Variants in HNF1B observed in about 807,000 individuals in gnomAD.
The protein encoded by HNF1B is HNF1 homeobox B.
In HNF1B, 8 loss-of-function variants were observed where a neutral mutation model predicts 61.7. The ratio of observed to expected loss-of-function variants is 0.13; its 90% confidence interval spans 0.08 to 0.23. The LOEUF is 0.23. Among genes scored for constraint, HNF1B ranks in the 10% least tolerant of loss-of-function variants. The pLI is 1.00. For missense variants in HNF1B, 562 were observed against 714.5 expected (o/e 0.79, Z 2.43); for synonymous variants, 314 against 287.7 (o/e 1.09, Z -0.93).
At chr17:37,731,527 A>T in intron 4 of HNF1B, 68 bp downstream of exon 4, 2 of 1,326,712 alleles carry the variant, frequency 1.5e-6, no homozygotes, top group South Asian at 1.2e-5. Flanking sequence ...CCCTTAAACC[A>T]GATAAGATCC....
At chr17:37,727,249 T>G (rs1463406361) in intron 4 of HNF1B, among the ~76,000 whole-genome samples, 1 of 152,150 alleles carries the variant, frequency 6.6e-6, no homozygotes, top group Non-Finnish European at 1.5e-5. Context: ...ACTCCAGACC[T>G]GCTCAATGGC....
At position 37,699,092 on chromosome 17, in the gene HNF1B, A is replaced by G. The variant is rs551889844; in HGVS notation, c.1637T>C (p.Met546Thr). The G allele has an allele frequency of 4.1e-5, 66 of 1,613,078 alleles. No individual in the cohort carries two copies. Among genetic ancestry groups the G allele is most frequent in the African/African-American group, 1.3e-5 (1 of 74,960 alleles). The part of the protein sequence containing the change: ...DTSSISTLTN[M>T]SSSKQCPLQA... ...TGGCATTACCTGTTTACTTGAAGAC[A>G]TGTTGGTGAGTGTACTGATGCTGCT... The change falls in exon 8 of 9, where the codon ATG becomes ACG. Residue 546 changes from methionine (M) to threonine (T), a missense_variant. Transcript: ENST00000617811.
At chr17:37,711,313 G>A (rs974141006) in intron 4 of HNF1B, among the ~76,000 whole-genome samples, 3 of 152,186 alleles carry the variant, frequency 2.0e-5, no homozygotes, top group Admixed American at 6.5e-5. Flanking sequence ...TCCTTTGCTG[G>A]GGGTCCCATT....
intron 1 of HNF1B, among the ~76,000 whole-genome samples, chr17:37,743,263 T>C (rs1490859178): frequency 6.6e-6 from 1 of 152,084 alleles, no homozygotes; most frequent in African/African-American, 2.4e-5. Flanking sequence ...CCCCAGCCGC[T>C]CCTAGGGGCC....
At chr17:37,738,702 A>G (rs1054914753) in intron 2 of HNF1B, among the ~76,000 whole-genome samples, 1 of 152,242 alleles carries the variant, frequency 6.6e-6, no homozygotes, top group African/African-American at 2.4e-5. Flanking sequence ...ACCTTTTAGA[A>G]TTATTGGGTG....
intron 4 of HNF1B, among the ~76,000 whole-genome samples, chr17:37,728,364 T>C (rs1188850877): frequency 6.7e-6 from 1 of 149,312 alleles, no homozygotes; most frequent in East Asian, 2.0e-4. Context: ...TAGAGTGCAG[T>C]GGCGTGATCT....
intron 4 of HNF1B, among the ~76,000 whole-genome samples, chr17:37,716,806 A>C (rs930350882): frequency 6.6e-6 from 1 of 151,644 alleles, no homozygotes; most frequent in African/African-American, 2.4e-5. Flanking sequence ...ATGATTCCAG[A>C]GATCAACTGG....
chr17:37,735,042 A>G (rs2033794578), intron 2 of HNF1B, among the ~76,000 whole-genome samples: 1 of 152,032 alleles, frequency 6.6e-6, no homozygotes, highest in South Asian at 2.1e-4. Context: ...CACCTGCCTC[A>G]GCCTCCCAAA....
intron 1 of HNF1B, among the ~76,000 whole-genome samples, chr17:37,742,870 C>A (rs2034039027): frequency 1.3e-5 from 2 of 151,488 alleles, no homozygotes; most frequent in Non-Finnish European, 2.9e-5. Flanking sequence ...TGGCTGGGTG[C>A]GCGCTGGGAG....
intron 5 of HNF1B, 98 bp from the exon 6 acceptor site, chr17:37,705,147 G>C (rs2032702497): frequency 3.2e-6 from 4 of 1,246,120 alleles, no homozygotes; most frequent in Non-Finnish European, 3.4e-6. Context: ...GGCATGACTA[G>C]TTCTCAAATT....
At chr17:37,720,032 C>T (rs1314533965) in intron 4 of HNF1B, among the ~76,000 whole-genome samples, 1 of 152,122 alleles carries the variant, frequency 6.6e-6, no homozygotes, top group Non-Finnish European at 1.5e-5. Context: ...CACCGGCAGG[C>T]CCAAGGAGGC....
In HNF1B at chr17:37,733,736, A is replaced by C. The variant is rs779835884; in HGVS notation, c.630T>G (p.Ser210Arg). ...ACTGCCCAGGCCCATGGCTCTGTTG[A>C]CTGAACTCTGGAAAGAGAAACAGCA... ...DQLLFLFPEF[S>R]QQSHGPGQSD... The change falls in exon 3 of 9, where the codon AGT (serine) becomes AGG (arginine). Residue 210 changes from serine to arginine, a missense_variant. By Grantham distance (110) the Ser-to-Arg change is moderately radical. This residue lies in a region of HNF1B where 69 missense variants were observed against 81.2 expected (regional missense o/e 0.85). Coordinates refer to ENST00000617811, the MANE Select transcript of HNF1B (RefSeq NM_000458.4). 1 of 1,614,108 alleles carries C rather than the reference A, an allele frequency of 6.2e-7. No individual in the cohort carries two copies. The highest frequency in any genetic ancestry group is 2.2e-5 in the East Asian group (1 of 44,878).
rs936053707 is a variant in HNF1B, at chr17:37,735,283, C to G, written c.545-1462G>C. Among the ~76,000 whole-genome samples the G allele has an allele frequency of 4.6e-5, 7 of 152,326 alleles. No homozygotes were observed. In the East Asian group the frequency reaches 1.2e-3, roughly 25 times the overall value. ...CTTAACGTTTGAATCCCCTCTACAA[C>G]CCCACACCAAGTGGCCCTCCAGGCT... is the stretch of plus-strand genomic sequence containing the variant. On this transcript the variant is annotated intron_variant, in intron 2 of 8. Transcript: ENST00000617811.
chr17:37,718,712 T>C (rs1046526327), intron 4 of HNF1B, among the ~76,000 whole-genome samples: 1 of 152,234 alleles, frequency 6.6e-6, no homozygotes, highest in Non-Finnish European at 1.5e-5. Context: ...CATCCCTCAC[T>C]GTAATGTAAG....
intron 3 of HNF1B, among the ~76,000 whole-genome samples, 175 bp downstream of exon 3, chr17:37,733,382 C>G (rs2033743840): frequency 6.6e-6 from 1 of 152,140 alleles, no homozygotes. Context: ...TATGCTGATT[C>G]TCAGACTTAC....
rs137996779 is a variant in HNF1B, at chr17:37,696,072, G to A, written c.1653+3004C>T. ...ATGTGATTCCCAGTGTTGGAGGTGGGGCTCAGTGGGAGGTAATGGATCATG... is the reference window on the plus strand; with the variant it reads ...ATGTGATTCCCAGTGTTGGAGGTGGAGCTCAGTGGGAGGTAATGGATCATG... On this transcript the variant is annotated intron_variant, in intron 8 of 8. Coordinates refer to ENST00000617811, the MANE Select transcript of HNF1B (RefSeq NM_000458.4). Among the ~76,000 whole-genome samples the A allele has an allele frequency of 3.5e-3, 538 of 152,220 alleles. 2 individuals are homozygous for A. Among genetic ancestry groups the A allele is most frequent in the Non-Finnish European group, 5.2e-3 (355 of 68,020 alleles).
At chr17:37,742,390 G>A (rs11651052) in intron 1 of HNF1B, among the ~76,000 whole-genome samples, 74,440 of 152,054 alleles carry the variant, frequency 0.49, 19,061 homozygotes, top group African/African-American at 0.61. Context: ...CTAGAACTCC[G>A]GGAACTCCAA....
At chr17:37,715,847 G>T (rs2033090436) in intron 4 of HNF1B, among the ~76,000 whole-genome samples, 1 of 152,152 alleles carries the variant, frequency 6.6e-6, no homozygotes, top group Non-Finnish European at 1.5e-5. Flanking sequence ...TTAAAAATGT[G>T]TTGGCCGGGC....
chr17:37,744,465 G>A (rs972182432), intron 1 of HNF1B, 76 bp downstream of exon 1: 3 of 1,462,514 alleles, frequency 2.1e-6, no homozygotes, highest in South Asian at 1.1e-5. Flanking sequence ...AGTGTGGTCG[G>A]GCGCAGTGTC....
Sources: allele counts gnomAD v4.1 joint callset (sites outside exome capture counted in the v4.1 genomes callset), GRCh38; gene constraint gnomAD v4.1.1; regional missense constraint gnomAD v4.1.1; transcripts MANE v1.5; gene names NCBI Gene and HGNC (gene_info 2026-07-23, HGNC 2026-07-21).